The following CPNE8 variants were observed in gnomAD, a reference collection of about 807,000 sequenced individuals.
CPNE8 encodes copine 8.
Under a neutral mutation model 81.5 loss-of-function variants are expected in CPNE8, and 45 were observed. The ratio of observed to expected loss-of-function variants is 0.55; its 90% CI spans 0.44 to 0.71. The LOEUF is 0.71. Ranked by LOEUF, CPNE8 falls within the 30% of genes least tolerant of loss-of-function variation. CPNE8 has a pLI of 0.00. For synonymous variants in CPNE8, 252 were observed against 226.3 expected (o/e 1.11, Z -1.02); for missense variants, 594 against 672.1 (o/e 0.88, Z 1.28).
chr12:38,866,107 A>T (rs938568730), intron 3 of CPNE8, among the ~76,000 whole-genome samples: 3 of 152,248 alleles, frequency 2.0e-5, no homozygotes, highest in Non-Finnish European at 4.4e-5. Context: ...AACATACAAC[A>T]TACTTTTGTT....
intron 11 of CPNE8, among the ~76,000 whole-genome samples, chr12:38,726,050 G>A (rs1025121995): frequency 2.0e-5 from 3 of 152,024 alleles, no homozygotes; most frequent in African/African-American, 7.2e-5. Context: ...AGGCAGTAAT[G>A]CTCCCTTGCT....
upstream of CPNE8, chr12:38,905,804 A>T: frequency 1.0e-6 from 1 of 985,354 alleles, no homozygotes. Context: ...GGCAGGCAGC[A>T]GCCCGGGCGG....
chr12:38,690,711 A>C (rs565961345), intron 15 of CPNE8, among the ~76,000 whole-genome samples: 3 of 152,282 alleles, frequency 2.0e-5, no homozygotes, highest in Non-Finnish European at 2.9e-5. Flanking sequence ...AAAAATACAC[A>C]CTAGTGGAGG....
At chr12:38,827,620 C>T (rs1297702153) in intron 6 of CPNE8, among the ~76,000 whole-genome samples, 1 of 152,130 alleles carries the variant, frequency 6.6e-6, no homozygotes, top group Non-Finnish European at 1.5e-5. Flanking sequence ...AAATATACAA[C>T]ATGGAATATT....
At chr12:38,881,292 T>A (rs899294676) in intron 1 of CPNE8, among the ~76,000 whole-genome samples, 2 of 152,128 alleles carry the variant, frequency 1.3e-5, no homozygotes, top group Non-Finnish European at 2.9e-5. Flanking sequence ...ACCAAGTAAT[T>A]CTGAAGGATA....
intron 7 of CPNE8, among the ~76,000 whole-genome samples, chr12:38,775,405 T>C (rs539058133): frequency 6.6e-6 from 1 of 152,358 alleles, no homozygotes; most frequent in African/African-American, 2.4e-5. Context: ...GTCAAAATGT[T>C]AAGCTTTTGG....
rs1343089414 is a variant in CPNE8 at position 38,652,378 on chromosome 12, T to C, written c.*1504A>G. The C allele has an allele frequency of 6.6e-6, 1 of 152,554 alleles. No individual in the cohort carries two copies. The allele number at this position is 152,554 out of a possible 1,614,324, so 9.5% of individuals were successfully genotyped here. A position where few individuals can be genotyped will look rare whatever the true frequency, so the allele number is the denominator to read the frequency against. ...AATAGTTATGATTTAAAGATTTTAA[T>C]ACATAATTAAAAATCAACAATTATT... On this transcript the variant is annotated 3_prime_UTR_variant, in exon 20 of 20. Transcript: ENST00000331366.
chr12:38,873,962 CTT>C (rs200253463), intron 2 of CPNE8, among the ~76,000 whole-genome samples: 1 of 146,794 alleles, frequency 6.8e-6, no homozygotes, highest in Admixed American at 6.8e-5. Context: ...TCTTTTCTTT[CTT>C]TTTTTTTTAA....
chr12:38,795,900 G>GATAGATA (rs1942456002), intron 6 of CPNE8, among the ~76,000 whole-genome samples: 1 of 152,112 alleles, frequency 6.6e-6, no homozygotes, highest in Non-Finnish European at 1.5e-5. Context: ...TAGATAGATA[G>GATAGATA]AAGATAGATA....
intron 7 of CPNE8, among the ~76,000 whole-genome samples, chr12:38,774,524 A>G (rs759095142): frequency 2.3e-4 from 35 of 152,182 alleles, no homozygotes; most frequent in Non-Finnish European, 1.5e-4. Flanking sequence ...TATATTTTCT[A>G]AGGCACTGGG....
intron 6 of CPNE8, among the ~76,000 whole-genome samples, chr12:38,823,220 AT>A (rs1274553544): frequency 3.5e-4 from 54 of 152,148 alleles, no homozygotes; most frequent in Non-Finnish European, 1.3e-4. Context: ...CTTCTTCCTT[AT>A]TCTGAAGCTT....
At chr12:38,856,617 T>A (rs554223216) in intron 3 of CPNE8, among the ~76,000 whole-genome samples, 1 of 152,308 alleles carries the variant, frequency 6.6e-6, no homozygotes, top group Non-Finnish European at 1.5e-5. Context: ...TCTGAATCGA[T>A]AAAATAAATT....
At chr12:38,832,047 T>C (rs905484664) in intron 5 of CPNE8, among the ~76,000 whole-genome samples, 3 of 152,218 alleles carry the variant, frequency 2.0e-5, no homozygotes, top group Admixed American at 2.0e-4. Context: ...TCATCTTGGC[T>C]GAACAAAATC....
chr12:38,751,874 G>A (rs1469083799), intron 10 of CPNE8, among the ~76,000 whole-genome samples: 3 of 151,906 alleles, frequency 2.0e-5, no homozygotes, highest in Admixed American at 6.6e-5. Flanking sequence ...AGGCTATCTC[G>A]ACTTCTGATT....
intron 3 of CPNE8, among the ~76,000 whole-genome samples, chr12:38,872,481 G>A (rs1026465803): frequency 4.6e-5 from 7 of 152,092 alleles, no homozygotes; most frequent in South Asian, 2.1e-4. Context: ...ATGATCATCC[G>A]CCCATTTGAA....
intron 1 of CPNE8, among the ~76,000 whole-genome samples, chr12:38,903,623 T>C (rs955834272): frequency 1.3e-5 from 2 of 152,212 alleles, no homozygotes; most frequent in African/African-American, 4.8e-5. Flanking sequence ...TCATTCCAAG[T>C]ATAGGCCACA....
intron 6 of CPNE8, among the ~76,000 whole-genome samples, chr12:38,785,929 A>G (rs978707599): frequency 3.9e-5 from 6 of 152,222 alleles, no homozygotes; most frequent in African/African-American, 1.4e-4. Context: ...AATAACAAAG[A>G]AAAGCAAAAC....
At chr12:38,654,678 C>T (rs1938780234) in intron 19 of CPNE8, among the ~76,000 whole-genome samples, 1 of 152,016 alleles carries the variant, frequency 6.6e-6, no homozygotes, top group Non-Finnish European at 1.5e-5. Flanking sequence ...TGCCAAATGT[C>T]TTCTGCAGTT....
At chr12:38,730,407 C>A in intron 10 of CPNE8, 49 bp from the exon 11 acceptor site, 2 of 1,069,714 alleles carry the variant, frequency 1.9e-6, no homozygotes, top group South Asian at 1.4e-5. Context: ...ATATATTTGT[C>A]AACTGTATTT....
Sources: gnomAD v4.1 joint callset for allele counts (sites outside exome capture counted in the v4.1 genomes callset) on GRCh38, gnomAD v4.1.1 for gene constraint, MANE v1.5 for transcripts, NCBI Gene and HGNC (gene_info 2026-07-23, HGNC 2026-07-21) for gene names.